Variants in COPZ2 observed in about 807,000 individuals in gnomAD.
COPZ2 encodes coat protein complex I subunit zeta 2.
A neutral mutation model predicts 33.2 loss-of-function variants in COPZ2; 30 were observed. The ratio of observed to expected loss-of-function variants is 0.90; its 90% CI spans 0.68 to 1.23. COPZ2 has a LOEUF of 1.23. Among genes scored for constraint, COPZ2 ranks in the 50% most tolerant of loss-of-function variants. COPZ2 has a pLI of 0.00. For synonymous variants in COPZ2, 89 were observed against 102.6 expected, an observed-to-expected ratio of 0.87 and a Z score of 0.80; for missense variants, 263 against 262.4, an observed-to-expected ratio of 1.00 and a Z score of -0.02.
At chr17:48,031,393 A>G (rs77321261) in intron 6 of COPZ2, among the ~76,000 whole-genome samples, 2 of 151,256 alleles carry the variant, frequency 1.3e-5, no homozygotes, top group East Asian at 1.9e-4. Flanking sequence ...TGGAGCTTGC[A>G]GTGAGCCGAG....
chr17:48,043,125 G>C, the COPZ2 span, among the ~76,000 whole-genome samples: 11 of 152,218 alleles, frequency 7.2e-5, no homozygotes, highest in African/African-American at 2.4e-4. Context: ...GGTTCAAAAA[G>C]AATGCAGCCT....
intron 8 of COPZ2, among the ~76,000 whole-genome samples, chr17:48,026,735 T>C (rs1476493544): frequency 6.6e-6 from 1 of 152,230 alleles, no homozygotes; most frequent in Non-Finnish European, 1.5e-5. Flanking sequence ...AGCGTGGGTG[T>C]GGCAGCAGCC....
At chr17:48,035,951 C>T (rs1157079422) in intron 2 of COPZ2, among the ~76,000 whole-genome samples, 2 of 151,530 alleles carry the variant, frequency 1.3e-5, no homozygotes, top group Non-Finnish European at 2.9e-5. Flanking sequence ...GACAGGGTTT[C>T]ACCATGTTGT....
At chr17:48,029,744 G>A (rs1214106592) in intron 6 of COPZ2, among the ~76,000 whole-genome samples, 1 of 151,704 alleles carries the variant, frequency 6.6e-6, no homozygotes, top group Admixed American at 6.6e-5. Context: ...CGAGGCGGGT[G>A]GATCACCTGA....
chr17:48,037,011 T>C lies in COPZ2; in HGVS notation c.112-86A>G. On this transcript the variant is annotated intron_variant, in intron 1 of 8. Coordinates refer to ENST00000621465, the MANE Select transcript of COPZ2 (RefSeq NM_016429.4). This position sits in a 1 kb window ranked among gnomAD's most constrained non-coding sequence, Gnocchi z 5.6. ...TGGGATCTGCTGGCCCTAGGATACA[T>C]CCTCAGGCCCCAGCAACCCCAGTCC... 2 of 1,214,904 alleles carry C rather than the reference T, an allele frequency of 1.6e-6. No individual in the cohort carries two copies. Among genetic ancestry groups the C allele is most frequent in the Non-Finnish European group, 2.4e-6 (2 of 822,460 alleles). 75.3% of individuals were successfully genotyped at this position (1,214,904 alleles called of 1,614,324 possible).
chr17:48,031,366 G>A (rs958006002), intron 6 of COPZ2, among the ~76,000 whole-genome samples: 6 of 151,728 alleles, frequency 4.0e-5, no homozygotes, highest in African/African-American at 1.5e-4. Context: ...GCAGGAGAAT[G>A]GTGTGAACCC....
intron 2 of COPZ2, 127 bp from the exon 3 acceptor site, chr17:48,034,071 A>C: frequency 1.5e-6 from 1 of 650,380 alleles, no homozygotes; most frequent in Non-Finnish European, 2.8e-6. Context: ...TCTCTCCATT[A>C]CTGCACCCTA....
At chr17:48,044,354 A>G in the COPZ2 span, among the ~76,000 whole-genome samples, 8 of 150,886 alleles carry the variant, frequency 5.3e-5, no homozygotes, top group African/African-American at 2.0e-4. Flanking sequence ...CAAAAAAAAA[A>G]GTCAGATAAT....
At chr17:48,039,446 G>A (rs1297509544), upstream of COPZ2, among the ~76,000 whole-genome samples, 1 of 151,242 alleles carries the variant, frequency 6.6e-6, no homozygotes, top group Non-Finnish European at 1.5e-5. Flanking sequence ...CTCCAGCCTG[G>A]GCAATGGGAG....
intron 7 of COPZ2, 46 bp downstream of exon 7, chr17:48,029,079 A>G (rs1375735357): frequency 6.5e-7 from 1 of 1,531,698 alleles, no homozygotes; most frequent in East Asian, 2.4e-5. Context: ...CCCAGGGAGG[A>G]CAGGAAGGGC....
At chr17:48,030,397 G>A (rs1218165794) in intron 6 of COPZ2, among the ~76,000 whole-genome samples, 3 of 151,898 alleles carry the variant, frequency 2.0e-5, no homozygotes, top group South Asian at 2.1e-4. Flanking sequence ...GAGAGCAGGC[G>A]CTCCTTCGTG....
chr17:48,031,052 C>T lies in COPZ2; in HGVS notation c.494+1104G>A, dbSNP rs560256415. Among the ~76,000 whole-genome samples, 133 of 152,288 alleles carry T rather than the reference C, an allele frequency of 8.7e-4. 6 individuals carry two copies. In the South Asian group the frequency reaches 0.024, roughly 28 times the overall value. Reference sequence around the variant, plus strand: ...GTTTTAGATCTTGGCCCTGCCACTCCCTAGCTGTGTGAGAGACCTCCGGCG... The same window carrying T: ...GTTTTAGATCTTGGCCCTGCCACTCTCTAGCTGTGTGAGAGACCTCCGGCG... On this transcript the variant is annotated intron_variant, in intron 6 of 8. Transcript: ENST00000621465.
rs1351604053 is a variant in COPZ2, at chr17:48,028,486, G to C, written c.571C>G (p.Gln191Glu). Residue 191 changes from glutamine to glutamate, a missense_variant, in exon 8 of 9, where the codon CAG (glutamine) becomes GAG (glutamate). Transcript: ENST00000621465. The surrounding 1 kb of genome is among the most constrained non-coding windows in gnomAD (Gnocchi z 4.5). ...FRADDGGLTE[Q>E]SVAQVLQSAK... ...GGGGGGCCTACCTGGGCCACACTCT[G>C]TTCAGTCAAGCCGCCATCATCTGCC... The C allele has an allele frequency of 6.2e-6, 10 of 1,609,438 alleles. No individual in the cohort carries two copies. The highest frequency in any genetic ancestry group is 8.5e-6 in the Non-Finnish European group (10 of 1,178,000).
chr17:48,035,219 T>G (rs1292206608), intron 2 of COPZ2, among the ~76,000 whole-genome samples: 1 of 152,236 alleles, frequency 6.6e-6, no homozygotes, highest in Non-Finnish European at 1.5e-5. Context: ...CCTTTGGCCT[T>G]GCTGATCCAC....
intron 6 of COPZ2, 49 bp downstream of exon 6, chr17:48,032,107 T>C: frequency 6.7e-7 from 1 of 1,499,264 alleles, no homozygotes; most frequent in Non-Finnish European, 9.2e-7. Context: ...GGGCTGATGA[T>C]TATCAAAGGC....
At chr17:48,029,269 G>T in intron 6 of COPZ2, 93 bp from the exon 7 acceptor site, 2 of 1,113,626 alleles carry the variant, frequency 1.8e-6, no homozygotes, top group Non-Finnish European at 2.7e-6. Flanking sequence ...CTCTCCGAAG[G>T]CATCCTGCAA....
chr17:48,034,665 G>T (rs374676642), intron 2 of COPZ2, among the ~76,000 whole-genome samples: 1 of 152,124 alleles, frequency 6.6e-6, no homozygotes. Context: ...CCCATTACAC[G>T]GATGGGGAAA....
At chr17:48,035,244 T>C (rs2036961598) in intron 2 of COPZ2, among the ~76,000 whole-genome samples, 1 of 152,230 alleles carries the variant, frequency 6.6e-6, no homozygotes, top group Non-Finnish European at 1.5e-5. Flanking sequence ...GACCATCTGC[T>C]GGGGCAAGGT....
chr17:48,046,338 TCTCA>T, the COPZ2 span: 1 of 152,226 alleles, frequency 6.6e-6, no homozygotes, highest in Non-Finnish European at 1.5e-5. Context: ...TGAGGAAGCA[TCTCA>T]CTGTTGCCCA....
Sources: allele counts gnomAD v4.1 joint callset (sites outside exome capture counted in the v4.1 genomes callset), GRCh38; gene constraint gnomAD v4.1.1; non-coding constraint Gnocchi (gnomAD v3.1); transcripts MANE v1.5; gene names NCBI Gene and HGNC (gene_info 2026-07-23, HGNC 2026-07-21).